SERBP1: variants seen among roughly 807,000 people sequenced by gnomAD.
The protein encoded by SERBP1 is SERPINE1 mRNA binding protein 1.
Under a neutral mutation model 50.2 loss-of-function variants are expected in SERBP1, and 6 were observed. The ratio of observed to expected loss-of-function variants is 0.12; its 90% confidence interval spans 0.07 to 0.24. The LOEUF is 0.24. Ranked by LOEUF, SERBP1 falls within the 10% of genes least tolerant of loss-of-function variation. The pLI is 1.00. For missense variants in SERBP1, 346 were observed against 524.9 expected, an observed-to-expected ratio of 0.66 and a Z score of 3.33; for synonymous variants, 168 against 182.8, an observed-to-expected ratio of 0.92 and a Z score of 0.65.
chr1:67,423,304 CA>C lies in SERBP1; in HGVS notation c.773+895del, dbSNP rs555873706. On this transcript the variant is annotated intron_variant, in intron 5 of 7. Coordinates refer to ENST00000361219, the MANE Select transcript of SERBP1 (RefSeq NM_001018069.2). ...AAGAGTGAACTCCATCTCACACACACAAAAAAAAAAGTTAGTGAAGGGCTGG... is the reference window on the plus strand; with the variant it reads ...AAGAGTGAACTCCATCTCACACACACAAAAAAAAAGTTAGTGAAGGGCTGG... Among the ~76,000 whole-genome samples the C allele has an allele frequency of 4.0e-3, 525 of 132,232 alleles. 4 individuals are homozygous for C. The highest frequency in any genetic ancestry group is 0.013 in the African/African-American group (460 of 35,138). 86.7% of individuals were successfully genotyped at this position (132,232 alleles called of 152,430 possible).
chr1:67,422,574 T>C (rs1667235901), intron 5 of SERBP1, among the ~76,000 whole-genome samples: 1 of 148,326 alleles, frequency 6.7e-6, no homozygotes, highest in Admixed American at 6.6e-5. Flanking sequence ...CCCAACTAAC[T>C]TGAATATGCT....
chr1:67,426,729 T>C (rs1667392971), intron 1 of SERBP1, among the ~76,000 whole-genome samples: 1 of 152,124 alleles, frequency 6.6e-6, no homozygotes, highest in African/African-American at 2.4e-5. Context: ...CAGCCATTCA[T>C]AAATAACCAA....
chr1:67,424,079 G>A, intron 5 of SERBP1, 121 bp downstream of exon 5: 1 of 958,112 alleles, frequency 1.0e-6, no homozygotes, highest in Non-Finnish European at 1.5e-6. Flanking sequence ...GGTACAGTAA[G>A]TCTCCCTTGT....
chr1:67,425,346 A>G, intron 2 of SERBP1, 123 bp from the exon 3 acceptor site: 1 of 877,114 alleles, frequency 1.1e-6, no homozygotes, highest in African/African-American at 1.7e-5. Context: ...AAATACATAC[A>G]CTTCAGAAAA....
At chr1:67,422,368 G>A (rs539723088) in intron 5 of SERBP1, among the ~76,000 whole-genome samples, 20 of 151,874 alleles carry the variant, frequency 1.3e-4, no homozygotes, top group East Asian at 9.8e-4. Flanking sequence ...AAAATTAGCC[G>A]GGCGTGGTGG....
intron 6 of SERBP1, among the ~76,000 whole-genome samples, chr1:67,418,309 C>T (rs1170928860): frequency 6.6e-6 from 1 of 151,884 alleles, no homozygotes; most frequent in African/African-American, 2.4e-5. Flanking sequence ...TTTTTTTCTA[C>T]AGGACTTAAA....
chr1:67,419,981 T>C, intron 6 of SERBP1, 28 bp downstream of exon 6: 1 of 1,603,394 alleles, frequency 6.2e-7, no homozygotes, highest in Non-Finnish European at 8.5e-7. Context: ...ATCTGAACAT[T>C]TTCAAACACG....
rs1229285733 is a variant in SERBP1 at position 67,411,959 on chromosome 1, G to A, written c.*1248C>T. ...TACCTAATTTTCTAATGGAGGAAGAGAGAAGAGATAATTACCACTTTCTGT... is the reference window on the plus strand; with the variant it reads ...TACCTAATTTTCTAATGGAGGAAGAAAGAAGAGATAATTACCACTTTCTGT... On this transcript the variant is annotated 3_prime_UTR_variant, in exon 8 of 8. Coordinates refer to ENST00000361219, the MANE Select transcript of SERBP1 (RefSeq NM_001018069.2). 6.6e-6 allele frequency: 1 copy of A among 150,750 alleles called. No homozygotes were observed. Among genetic ancestry groups the A allele is most frequent in the African/African-American group, 2.4e-5 (1 of 41,032 alleles). The allele number at this position is 150,750 out of a possible 1,614,324, so 9.3% of individuals were successfully genotyped here. A position where few individuals can be genotyped will look rare whatever the true frequency, so the allele number is the denominator to read the frequency against.
In SERBP1 at chr1:67,410,569, T is replaced by TTTCAA. The variant is rs1181410041; in HGVS notation, c.*2633_*2637dup. Reference sequence around the variant, plus strand: ...AATAAAGAAACCATGTCTCCAATCATTTCAATACAAGCTGTAAAAATGCCT... The same window carrying TTTCAA: ...AATAAAGAAACCATGTCTCCAATCATTTCAATTCAATACAAGCTGTAAAAATGCCT... On this transcript the variant is annotated 3_prime_UTR_variant, in exon 8 of 8. Coordinates refer to ENST00000361219, the MANE Select transcript of SERBP1 (RefSeq NM_001018069.2). The TTTCAA allele has an allele frequency of 1.3e-5, 2 of 152,168 alleles. No individual in the cohort carries two copies. Among genetic ancestry groups the TTTCAA allele is most frequent in the Admixed American group, 6.5e-5 (1 of 15,272 alleles). 9.4% of individuals were successfully genotyped at this position (152,168 alleles called of 1,614,324 possible). A position where few individuals can be genotyped will look rare whatever the true frequency, so the allele number is the denominator to read the frequency against.
chr1:67,415,381 G>GTAAC, intron 6 of SERBP1, 42 bp from the exon 7 acceptor site: 1 of 1,471,832 alleles, frequency 6.8e-7, no homozygotes, highest in Non-Finnish European at 9.0e-7. Flanking sequence ...TAGTAGAAAA[G>GTAAC]TAACATTGCA....
chr1:67,423,617 A>G (rs1667278092), intron 5 of SERBP1, among the ~76,000 whole-genome samples: 1 of 151,978 alleles, frequency 6.6e-6, no homozygotes, highest in Non-Finnish European at 1.5e-5. Flanking sequence ...AAAAAAAGAA[A>G]AAAAAAAAAA....
intron 5 of SERBP1, among the ~76,000 whole-genome samples, chr1:67,423,994 G>A (rs1667288973): frequency 6.6e-6 from 1 of 152,126 alleles, no homozygotes; most frequent in African/African-American, 2.4e-5. Context: ...ACCTGCCTAG[G>A]CAATATAGTG....
rs11548132 is a variant in SERBP1, at chr1:67,430,178, G to A, written c.123C>T (p.Ala41=). 19 of 1,610,734 alleles carry A rather than the reference G, an allele frequency of 1.2e-5. No individual in the cohort carries two copies. The Admixed American group carries it at 1.8e-4, about 16-fold the overall frequency. ...CAGGGCCCCCAACGCCGCCCCCGCC[G>A]GCTTCTTTTTTCTTGTTCTCTGCTG... is the stretch of plus-strand genomic sequence containing the variant. ...LKAAENKKKE[A]GGGGVGGPGA... Residue 41 remains alanine (A), a synonymous_variant, in exon 1 of 8, where the codon GCC becomes GCT. Coordinates refer to ENST00000361219, the MANE Select transcript of SERBP1 (RefSeq NM_001018069.2).
chr1:67,425,940 T>G (rs1050101732), intron 2 of SERBP1, among the ~76,000 whole-genome samples, 195 bp downstream of exon 2: 8 of 152,166 alleles, frequency 5.3e-5, no homozygotes, highest in Non-Finnish European at 1.2e-4. Flanking sequence ...ATATATATAG[T>G]GAGACCTCAG....
chr1:67,420,428 T>C (rs1167943242), intron 5 of SERBP1: 1 of 392,018 alleles, frequency 2.6e-6, no homozygotes, highest in Non-Finnish European at 4.5e-6. Context: ...TCTTAAATGA[T>C]CATTTATCAG....
chr1:67,410,858 A>G lies in SERBP1; in HGVS notation c.*2349T>C, dbSNP rs1666814489. ...ATTTTACAAGAATTCAACTTTCCCA[A>G]TTAAGTCATTAGTCATTAAGATAAG... On this transcript the variant is annotated 3_prime_UTR_variant, in exon 8 of 8. Transcript: ENST00000361219. The G allele has an allele frequency of 6.6e-6, 1 of 152,162 alleles. No homozygotes were observed. Among genetic ancestry groups the G allele is most frequent in the Admixed American group, 6.5e-5 (1 of 15,278 alleles). The allele number at this position is 152,162 out of a possible 1,614,324, so 9.4% of individuals were successfully genotyped here. A position where few individuals can be genotyped will look rare whatever the true frequency, so the allele number is the denominator to read the frequency against.
intron 1 of SERBP1, 53 bp downstream of exon 1, chr1:67,429,935 C>T: frequency 6.6e-7 from 1 of 1,514,002 alleles, no homozygotes. Context: ...GCCGGCAGCC[C>T]CCTCGCTCCT....
Position 67,424,975 on chromosome 1 carries a change from G to A in SERBP1, c.608C>T (p.Ser203Phe). ...FDRHSGSDRS[S>F]FSHYSGLKHE... ...CTTCAGGCCACTGTAATGTGAAAAA[G>A]AACTAACAAAACTGAGTTAACATAA... Residue 203 changes from serine to phenylalanine, a missense_variant and splice_region_variant, in exon 4 of 8, where the codon TCT becomes TTT. Ser to Phe is a radical substitution (Grantham distance 155). Coordinates refer to ENST00000361219, the MANE Select transcript of SERBP1 (RefSeq NM_001018069.2). The A allele has an allele frequency of 1.2e-6, 2 of 1,612,762 alleles. No individual in the cohort carries two copies. Among genetic ancestry groups the A allele is most frequent in the East Asian group, 2.2e-5 (1 of 44,880 alleles).
Position 67,420,113 on chromosome 1 carries a change from T to C in SERBP1, c.847A>G (p.Asn283Asp). The C allele has an allele frequency of 6.2e-7, 1 of 1,613,810 alleles. No individual in the cohort carries two copies. The highest frequency in any genetic ancestry group is 1.1e-5 in the South Asian group (1 of 91,070). The change falls in exon 6 of 8, where the codon AAT (asparagine) becomes GAT (aspartate). Residue 283 changes from asparagine to aspartate, a missense_variant. Around this residue, in one of 5 missense-constraint regions of SERBP1, gnomAD observed 257 missense variants for 331.2 expected, o/e 0.78. Transcript: ENST00000361219. Reference sequence around the variant, plus strand: ...AATTCTACTTTTGCCCGGTCCTTATTTTGAATAGCCTTCCACTCATCCAAA... The same window carrying C: ...AATTCTACTTTTGCCCGGTCCTTATCTTGAATAGCCTTCCACTCATCCAAA... ...MTLDEWKAIQ[N>D]KDRAKVEFNI...
Sources: allele counts gnomAD v4.1 joint callset (sites outside exome capture counted in the v4.1 genomes callset), GRCh38; gene constraint gnomAD v4.1.1; regional missense constraint gnomAD v4.1.1; transcripts MANE v1.5; gene names NCBI Gene and HGNC (gene_info 2026-07-23, HGNC 2026-07-21).